TMEM62: variants seen among roughly 807,000 people sequenced by gnomAD.
The protein encoded by TMEM62 is transmembrane protein 62.
Under a neutral mutation model 70.4 loss-of-function variants are expected in TMEM62, and 41 were observed. The observed-to-expected ratio is 0.58, with a 90% CI of 0.45 to 0.76. The LOEUF (loss-of-function observed/expected upper bound fraction) is 0.76, where lower values mean the gene tolerates loss of function less well. Ranked by LOEUF, TMEM62 falls within the 30% of genes least tolerant of loss-of-function variation. The probability of loss-of-function intolerance (pLI) is 0.00; values close to 1 mark genes in which losing one functional copy is unlikely to be tolerated. For missense variants in TMEM62, 688 were observed against 788.5 expected (o/e 0.87, Z 1.53); for synonymous variants, 268 against 291.0 (o/e 0.92, Z 0.80).
chr15:43,168,159 G>A (rs1478156740), intron 10 of TMEM62, among the ~76,000 whole-genome samples: 1 of 106,050 alleles, frequency 9.4e-6, no homozygotes, highest in Non-Finnish European at 2.0e-5. Flanking sequence ...GGGAGAGGGA[G>A]AGGGAGAGGG....
At chr15:43,156,729 C>G (rs2038090773) in intron 9 of TMEM62, among the ~76,000 whole-genome samples, 1 of 152,096 alleles carries the variant, frequency 6.6e-6, no homozygotes, top group Non-Finnish European at 1.5e-5. Flanking sequence ...TTTAACATTT[C>G]TTACAATGGT....
chr15:43,169,712 G>A (rs758296275), intron 11 of TMEM62, 35 bp downstream of exon 11: 28 of 1,570,178 alleles, frequency 1.8e-5, no homozygotes, highest in Non-Finnish European at 2.1e-5. Flanking sequence ...TATAAGCCTT[G>A]TTCATGGAAA....
intron 11 of TMEM62, among the ~76,000 whole-genome samples, chr15:43,171,809 A>T (rs1315877595): frequency 6.6e-6 from 1 of 151,656 alleles, no homozygotes; most frequent in Non-Finnish European, 1.5e-5. Context: ...TTGCATTTTT[A>T]GTAGAGACAG....
chr15:43,158,320 G>T (rs1165778199), intron 9 of TMEM62, among the ~76,000 whole-genome samples: 4 of 152,162 alleles, frequency 2.6e-5, no homozygotes, highest in Non-Finnish European at 4.4e-5. Flanking sequence ...CTGATGTGCT[G>T]GTAAATATTT....
At chr15:43,180,313 G>A (rs2041208512) in intron 12 of TMEM62, among the ~76,000 whole-genome samples, 1 of 152,140 alleles carries the variant, frequency 6.6e-6, no homozygotes. Flanking sequence ...AGTACAGACA[G>A]GATTTCACCA....
Position 43,184,266 on chromosome 15 carries a change from T to G in TMEM62, c.1612T>G (p.Phe538Val), listed in dbSNP as rs1260566020. The change falls in exon 14 of 14, where the codon TTT (phenylalanine) becomes GTT (valine). Residue 538 changes from phenylalanine (F) to valine (V), a missense_variant. By Grantham distance (50) the Phe-to-Val change is conservative. Coordinates refer to ENST00000260403, the MANE Select transcript of TMEM62 (RefSeq NM_024956.4). ...TFIIGILQLA[F>V]FNIPLMAYMC... ...TGGTTCTGTTCTTTTCCAGCTGGCG[T>G]TTTTTAACATCCCCTTGATGGCTTA... The G allele has an allele frequency of 6.2e-7, 1 of 1,610,422 alleles. No homozygotes were observed. Among genetic ancestry groups the G allele is most frequent in the South Asian group, 1.1e-5 (1 of 90,708 alleles).
At chr15:43,182,628 A>G (rs944088793) in intron 13 of TMEM62, among the ~76,000 whole-genome samples, 2 of 151,546 alleles carry the variant, frequency 1.3e-5, no homozygotes, top group Non-Finnish European at 2.9e-5. Flanking sequence ...TAATTTTTGT[A>G]TTTTTAGTAG....
intron 11 of TMEM62, among the ~76,000 whole-genome samples, chr15:43,176,772 C>T (rs1416460424): frequency 2.0e-5 from 3 of 152,026 alleles, no homozygotes; most frequent in Non-Finnish European, 4.4e-5. Context: ...CTCTAAAAAG[C>T]AGAGCGCCTC....
intron 11 of TMEM62, among the ~76,000 whole-genome samples, chr15:43,171,614 CTTTTTTTTTT>C (rs751979920): frequency 9.4e-4 from 108 of 115,006 alleles, no homozygotes; most frequent in Non-Finnish European, 2.2e-4. Context: ...TTAATAAAAA[CTTTTTTTTTT>C]TTTTTTTTTT....
At chr15:43,144,923 T>A (rs2141595064) in intron 4 of TMEM62, among the ~76,000 whole-genome samples, 1 of 152,152 alleles carries the variant, frequency 6.6e-6, no homozygotes, top group East Asian at 1.9e-4. Flanking sequence ...CTAAACTTTA[T>A]CTGAATTTAA....
chr15:43,152,968 T>C (rs1315460045), intron 8 of TMEM62, among the ~76,000 whole-genome samples: 1 of 152,198 alleles, frequency 6.6e-6, no homozygotes, highest in East Asian at 1.9e-4. Flanking sequence ...ATTATAATCA[T>C]AAGGCACAGT....
At chr15:43,142,686 T>C (rs2036201667) in intron 4 of TMEM62, among the ~76,000 whole-genome samples, 1 of 151,838 alleles carries the variant, frequency 6.6e-6, no homozygotes, top group Non-Finnish European at 1.5e-5. Flanking sequence ...TGGTTTTTTT[T>C]TTGAGACAGG....
rs1425885975 is a variant in TMEM62 at position 43,167,310 on chromosome 15, G to A, written c.1297-2283G>A. ...GACGGGGTGGCTGCCGGGCGGAGAC[G>A]CTCCTCACTTCCCAGACGGGGTGGC... On this transcript the variant is annotated intron_variant, in intron 10 of 13. Transcript: ENST00000260403. Among the ~76,000 whole-genome samples the A allele has an allele frequency of 3.1e-4, 47 of 149,620 alleles. No individual in the cohort carries two copies. The East Asian group carries it at 9.3e-3, about 30-fold the overall frequency.
intron 8 of TMEM62, among the ~76,000 whole-genome samples, chr15:43,153,728 TTTTG>T (rs1334943667): frequency 6.6e-6 from 1 of 151,716 alleles, no homozygotes; most frequent in African/African-American, 2.4e-5. Context: ...ACATACCACA[TTTTG>T]TTTATGTGTT....
chr15:43,137,771 C>T (rs2035430439), intron 3 of TMEM62, among the ~76,000 whole-genome samples: 1 of 152,244 alleles, frequency 6.6e-6, no homozygotes, highest in Non-Finnish European at 1.5e-5. Flanking sequence ...TGGCACAGGC[C>T]TTGCCATTGA....
intron 11 of TMEM62, among the ~76,000 whole-genome samples, chr15:43,171,148 C>T (rs555093963): frequency 5.9e-5 from 9 of 152,116 alleles, no homozygotes; most frequent in East Asian, 1.9e-4. Flanking sequence ...CCAGCCTGGC[C>T]GACATGGTGA....
chr15:43,163,218 C>G (rs2038972762), intron 10 of TMEM62, among the ~76,000 whole-genome samples: 1 of 151,732 alleles, frequency 6.6e-6, no homozygotes, highest in Admixed American at 6.6e-5. Context: ...CTAAAATTTT[C>G]AGAAGAAAAC....
At chr15:43,170,789 A>C (rs1186459837) in intron 11 of TMEM62, among the ~76,000 whole-genome samples, 1 of 152,196 alleles carries the variant, frequency 6.6e-6, no homozygotes, top group Non-Finnish European at 1.5e-5. Context: ...CATGCATCCA[A>C]GGTTATATGT....
At chr15:43,181,158 T>C in intron 12 of TMEM62, 23 bp from the exon 13 acceptor site, 7 of 1,424,454 alleles carry the variant, frequency 4.9e-6, no homozygotes, top group Admixed American at 1.7e-5. Context: ...ATCTCCTCCT[T>C]TTTTGTCCAT....
Sources: gnomAD v4.1 joint callset for allele counts (sites outside exome capture counted in the v4.1 genomes callset) on GRCh38, gnomAD v4.1.1 for gene constraint, MANE v1.5 for transcripts, NCBI Gene and HGNC (gene_info 2026-07-23, HGNC 2026-07-21) for gene names.